UBE2E2: variants seen among roughly 807,000 people sequenced by gnomAD.
The protein encoded by UBE2E2 is ubiquitin-conjugating enzyme E2 E2.
In UBE2E2, 6 loss-of-function variants were observed where a neutral mutation model predicts 24.7. The ratio of observed to expected loss-of-function variants is 0.24; its 90% CI spans 0.13 to 0.48. UBE2E2 has a LOEUF of 0.48. Among genes scored for constraint, UBE2E2 ranks in the 20% least tolerant of loss-of-function variants. The pLI is 0.99. For synonymous variants in UBE2E2, 104 were observed against 83.6 expected (o/e 1.24, Z -1.33); for missense variants, 169 against 245.0 (o/e 0.69, Z 2.07).
At chr3:23,259,950 A>G (rs574523261) in intron 3 of UBE2E2, among the ~76,000 whole-genome samples, 1 of 152,342 alleles carries the variant, frequency 6.6e-6, no homozygotes, top group African/African-American at 2.4e-5. Flanking sequence ...ATATAGTACT[A>G]GTCTGGAATT....
chr3:23,516,124 G>T (rs1040956109), intron 4 of UBE2E2, among the ~76,000 whole-genome samples: 7 of 152,154 alleles, frequency 4.6e-5, no homozygotes, highest in Non-Finnish European at 2.9e-5. Flanking sequence ...TTGTATCTTG[G>T]ATACCAGTTA....
Position 23,223,014 on chromosome 3 carries a change from GCC to G in UBE2E2, c.227+5712_227+5713del, listed in dbSNP as rs368747645. ...TGAGAAATGTCTGTTTACATCTTTT[GCC>G]CCCCCCCCCTTTTTTTTTTTTTTTG... On this transcript the variant is annotated intron_variant, in intron 3 of 5. Transcript: ENST00000396703. 9.6e-3 allele frequency among the ~76,000 whole-genome samples: 627 copies of G among 65,556 alleles called. 25 individuals carry two copies. Among genetic ancestry groups the G allele is most frequent in the African/African-American group, 0.04 (600 of 14,864 alleles). The allele number at this position is 65,556 out of a possible 152,430, so 43.0% of individuals were successfully genotyped here. A position where few individuals can be genotyped will look rare whatever the true frequency, so the allele number is the denominator to read the frequency against.
intron 4 of UBE2E2, among the ~76,000 whole-genome samples, chr3:23,524,601 A>G (rs1230779959): frequency 1.3e-5 from 2 of 152,210 alleles, no homozygotes; most frequent in African/African-American, 4.8e-5. Context: ...CTCATGGATC[A>G]TGGAACTAGA....
At chr3:23,327,177 G>A (rs1043991505) in intron 3 of UBE2E2, among the ~76,000 whole-genome samples, 18 of 152,088 alleles carry the variant, frequency 1.2e-4, no homozygotes, top group Non-Finnish European at 2.1e-4. Flanking sequence ...ATAATCCTTT[G>A]GATATATACC....
chr3:23,204,323 C>A (rs1002977270), intron 1 of UBE2E2, among the ~76,000 whole-genome samples: 1 of 152,110 alleles, frequency 6.6e-6, no homozygotes, highest in Non-Finnish European at 1.5e-5. Flanking sequence ...AAGACATCAT[C>A]CTGTGCTCGG....
At chr3:23,325,195 A>G (rs1320325646) in intron 3 of UBE2E2, among the ~76,000 whole-genome samples, 2 of 152,180 alleles carry the variant, frequency 1.3e-5, no homozygotes, top group Non-Finnish European at 2.9e-5. Flanking sequence ...TAAGAATTGA[A>G]GTAGCCACAA....
At chr3:23,327,657 A>G (rs572971969) in intron 3 of UBE2E2, among the ~76,000 whole-genome samples, 9 of 152,302 alleles carry the variant, frequency 5.9e-5, no homozygotes, top group South Asian at 2.1e-4. Flanking sequence ...TGCTTTTTCT[A>G]ATTCTTTCAG....
chr3:23,591,082 T>A lies in UBE2E2; in HGVS notation c.*1251T>A, dbSNP rs1696749686. On this transcript the variant is annotated 3_prime_UTR_variant, in exon 6 of 6. Coordinates refer to ENST00000396703, the MANE Select transcript of UBE2E2 (RefSeq NM_152653.4). ...CAGCCCATTCAATGACAAGGGTGTC[T>A]GTCTGGCTTCACCTTCAGGCTATTT... 6.6e-6 allele frequency: 1 copy of A among 152,364 alleles called. No homozygotes were observed. Among genetic ancestry groups the A allele is most frequent in the Non-Finnish European group, 1.5e-5 (1 of 68,038 alleles). 9.4% of individuals were successfully genotyped at this position (152,364 alleles called of 1,614,324 possible).
intron 5 of UBE2E2, among the ~76,000 whole-genome samples, chr3:23,567,787 A>G (rs1304132819): frequency 3.3e-5 from 5 of 152,184 alleles, no homozygotes; most frequent in Non-Finnish European, 5.9e-5. Context: ...ATATTAAACA[A>G]ATACTTACTG....
chr3:23,367,005 A>G (rs1458142092), intron 3 of UBE2E2, among the ~76,000 whole-genome samples: 1 of 152,092 alleles, frequency 6.6e-6, no homozygotes, highest in East Asian at 1.9e-4. Flanking sequence ...CAGTTTTTCT[A>G]AGGGACTCTC....
At chr3:23,517,197 G>A (rs1236997815) in intron 4 of UBE2E2, among the ~76,000 whole-genome samples, 1 of 151,930 alleles carries the variant, frequency 6.6e-6, no homozygotes. Flanking sequence ...GTAGTGATAT[G>A]TGCCATGCTT....
chr3:23,465,254 A>G (rs984835161), intron 3 of UBE2E2, among the ~76,000 whole-genome samples: 5 of 152,216 alleles, frequency 3.3e-5, no homozygotes, highest in African/African-American at 4.8e-5. Flanking sequence ...CACACAGCTA[A>G]TAAGTGGCCA....
At chr3:23,333,886 A>G (rs1286365882) in intron 3 of UBE2E2, among the ~76,000 whole-genome samples, 2 of 152,212 alleles carry the variant, frequency 1.3e-5, no homozygotes, top group African/African-American at 4.8e-5. Context: ...TAACTAGCCT[A>G]AGATAACAGA....
intron 3 of UBE2E2, among the ~76,000 whole-genome samples, chr3:23,305,368 T>G (rs761251592): frequency 6.6e-6 from 1 of 152,248 alleles, no homozygotes; most frequent in East Asian, 1.9e-4. Flanking sequence ...GGATGGTTTT[T>G]AATACAATTA....
intron 4 of UBE2E2, among the ~76,000 whole-genome samples, chr3:23,502,201 T>C (rs1447564475): frequency 6.6e-6 from 1 of 150,776 alleles, no homozygotes; most frequent in Non-Finnish European, 1.5e-5. Flanking sequence ...GGGTTTTTTT[T>C]CTCTGCTGCT....
At chr3:23,410,223 T>TAA (rs1348648313) in intron 3 of UBE2E2, among the ~76,000 whole-genome samples, 64 of 152,316 alleles carry the variant, frequency 4.2e-4, no homozygotes, top group African/African-American at 1.4e-3. Context: ...TCTGAAAATA[T>TAA]AATGGGAACT....
chr3:23,460,676 T>C (rs1324202330), intron 3 of UBE2E2, among the ~76,000 whole-genome samples: 1 of 152,198 alleles, frequency 6.6e-6, no homozygotes, highest in African/African-American at 2.4e-5. Flanking sequence ...TGGGTTGTCA[T>C]GGGAGTGTTC....
intron 3 of UBE2E2, among the ~76,000 whole-genome samples, chr3:23,269,273 A>G (rs1698163829): frequency 1.3e-5 from 2 of 152,142 alleles, no homozygotes; most frequent in African/African-American, 2.4e-5. Context: ...GCAACCTACA[A>G]AATGGGAGAA....
At chr3:23,352,568 C>A (rs1271306698) in intron 3 of UBE2E2, among the ~76,000 whole-genome samples, 1 of 152,180 alleles carries the variant, frequency 6.6e-6, no homozygotes, top group Non-Finnish European at 1.5e-5. Context: ...ACCAATCCCA[C>A]AGAAATGCAA....
Sources: allele counts gnomAD v4.1 joint callset (sites outside exome capture counted in the v4.1 genomes callset), GRCh38; gene constraint gnomAD v4.1.1; transcripts MANE v1.5; gene names NCBI Gene and HGNC (gene_info 2026-07-23, HGNC 2026-07-21).